LRP1B: variants seen among roughly 807,000 people sequenced by gnomAD.
LRP1B encodes low-density lipoprotein receptor-related protein 1B.
In LRP1B, 217 loss-of-function variants were observed where a neutral mutation model predicts 556.6. The ratio of observed to expected loss-of-function variants is 0.39; its 90% CI spans 0.35 to 0.44. LRP1B has a LOEUF of 0.44. Ranked by LOEUF, LRP1B falls within the 20% of genes least tolerant of loss-of-function variation. The pLI, the probability that LRP1B is intolerant of heterozygous loss-of-function variation, is 1.00. For synonymous variants in LRP1B, 2,047 were observed against 1,865.8 expected (o/e 1.10, Z -2.50); for missense variants, 5,053 against 5,620.8 (o/e 0.90, Z 3.23).
intron 2 of LRP1B, among the ~76,000 whole-genome samples, chr2:141,650,718 C>T (rs954792462): frequency 4.0e-5 from 6 of 151,744 alleles, no homozygotes; most frequent in Admixed American, 6.6e-5. Context: ...GGAAGCACAC[C>T]GAAATGAAGA....
intron 29 of LRP1B, among the ~76,000 whole-genome samples, chr2:140,846,437 A>C (rs1048707381): frequency 3.3e-5 from 5 of 152,004 alleles, no homozygotes; most frequent in Admixed American, 6.6e-5. Context: ...GGTGCCTGTA[A>C]TCCCAGCTAC....
intron 84 of LRP1B, among the ~76,000 whole-genome samples, chr2:140,297,356 A>G (rs996812372): frequency 2.0e-5 from 3 of 152,094 alleles, no homozygotes; most frequent in Non-Finnish European, 4.4e-5. Flanking sequence ...GGGAGAGTCA[A>G]TGGATTAGGG....
intron 71 of LRP1B, among the ~76,000 whole-genome samples, chr2:140,370,300 A>G (rs2105163520): frequency 6.6e-6 from 1 of 152,170 alleles, no homozygotes; most frequent in Non-Finnish European, 1.5e-5. Context: ...TAAGCAATTG[A>G]GTATGCCATA....
chr2:141,394,336 A>C (rs1690164835), intron 3 of LRP1B, among the ~76,000 whole-genome samples: 1 of 152,082 alleles, frequency 6.6e-6, no homozygotes, highest in Admixed American at 6.6e-5. Context: ...AAATGGGTTC[A>C]CCTTTGTTTT....
At chr2:141,641,910 G>A (rs1689349958) in intron 2 of LRP1B, among the ~76,000 whole-genome samples, 1 of 151,988 alleles carries the variant, frequency 6.6e-6, no homozygotes, top group African/African-American at 2.4e-5. Flanking sequence ...ATGAAGCCAG[G>A]TTTCAATGTC....
rs560363480 is a variant in LRP1B at position 142,031,330 on chromosome 2, A to ATTTTTTTTTTTT, written c.82+99306_82+99317dup. Among the ~76,000 whole-genome samples, 336 of 116,932 alleles carry ATTTTTTTTTTTT rather than the reference A, an allele frequency of 2.9e-3. 10 individuals are homozygous for ATTTTTTTTTTTT. Among genetic ancestry groups the ATTTTTTTTTTTT allele is most frequent in the Non-Finnish European group, 3.4e-3 (196 of 57,016 alleles). 76.7% of individuals were successfully genotyped at this position (116,932 alleles called of 152,430 possible). A position where few individuals can be genotyped will look rare whatever the true frequency, so the allele number is the denominator to read the frequency against. On this transcript the variant is annotated intron_variant, in intron 1 of 90. Coordinates refer to ENST00000389484, the MANE Select transcript of LRP1B (RefSeq NM_018557.3). The stretch of plus-strand genomic sequence containing the variant: ...ATTTAGAGAAAGGTTGATTATACTT[A>ATTTTTTTTTTTT]TTTTTTTTTTTTTTTTTTATTATAC...
At chr2:141,347,651 G>A (rs1270628338) in intron 3 of LRP1B, among the ~76,000 whole-genome samples, 1 of 151,816 alleles carries the variant, frequency 6.6e-6, no homozygotes, top group Non-Finnish European at 1.5e-5. Flanking sequence ...AGAAACTAAG[G>A]TGGCATTCAA....
chr2:140,539,955 C>T lies in LRP1B; in HGVS notation c.7513+1018G>A, dbSNP rs527751038. The stretch of plus-strand genomic sequence containing the variant: ...GAGGTGCCTTTTTGGGTTGTAGTAT[C>T]AACTTTCACAGTGAGAAAATATGTC... On this transcript the variant is annotated intron_variant, in intron 45 of 90. Transcript: ENST00000389484. Among the ~76,000 whole-genome samples, 11 of 152,152 alleles carry T rather than the reference C, an allele frequency of 7.2e-5. No individual in the cohort carries two copies. In the East Asian group the frequency reaches 2.1e-3, roughly 29 times the overall value.
At chr2:141,303,958 T>C (rs1476754870) in intron 3 of LRP1B, among the ~76,000 whole-genome samples, 1 of 152,142 alleles carries the variant, frequency 6.6e-6, no homozygotes. Flanking sequence ...ACCATTCTAA[T>C]TGGGGGAAAG....
intron 35 of LRP1B, among the ~76,000 whole-genome samples, chr2:140,729,783 C>A (rs571020865): frequency 6.6e-6 from 1 of 152,246 alleles, no homozygotes; most frequent in Admixed American, 6.5e-5. Context: ...TGATAGAAAG[C>A]TTCATATTCT....
chr2:141,791,552 T>C (rs1558877922), intron 2 of LRP1B, among the ~76,000 whole-genome samples: 1 of 152,092 alleles, frequency 6.6e-6, no homozygotes, highest in Non-Finnish European at 1.5e-5. Context: ...CAGACTTTAG[T>C]AGTGCCTAAT....
At chr2:140,528,081 T>A (rs568605995) in intron 47 of LRP1B, among the ~76,000 whole-genome samples, 1 of 151,778 alleles carries the variant, frequency 6.6e-6, no homozygotes. Flanking sequence ...GCCTCCAATC[T>A]CCCATAGAGA....
At chr2:141,555,009 T>C (rs572020130) in intron 2 of LRP1B, among the ~76,000 whole-genome samples, 1 of 152,088 alleles carries the variant, frequency 6.6e-6, no homozygotes, top group East Asian at 1.9e-4. Context: ...CTGTTGGTAG[T>C]GACTGTCCCA....
At chr2:142,042,016 G>A (rs1165907949) in intron 1 of LRP1B, among the ~76,000 whole-genome samples, 6 of 151,314 alleles carry the variant, frequency 4.0e-5, no homozygotes, top group Admixed American at 4.0e-4. Context: ...TTAAATTTTG[G>A]ATATGACTTC....
At chr2:140,325,251 G>A (rs1041629009) in intron 80 of LRP1B, among the ~76,000 whole-genome samples, 5 of 152,012 alleles carry the variant, frequency 3.3e-5, no homozygotes, top group Admixed American at 2.0e-4. Context: ...GCATAAAACC[G>A]GTATAGCAAC....
intron 1 of LRP1B, among the ~76,000 whole-genome samples, chr2:142,127,246 A>G (rs1189216380): frequency 1.3e-5 from 2 of 151,968 alleles, no homozygotes; most frequent in South Asian, 4.1e-4. Flanking sequence ...TTATTTTTAT[A>G]CTGTAAATAT....
In LRP1B at chr2:140,373,100, C is replaced by G. The variant is rs145915063; in HGVS notation, c.10676G>C (p.Arg3559Pro). 3 of 1,613,050 alleles carry G rather than the reference C, an allele frequency of 1.9e-6. No individual in the cohort carries two copies. The highest frequency in any genetic ancestry group is 4.5e-5 in the East Asian group (2 of 44,740). The change falls in exon 69 of 91, where the codon CGG (arginine) becomes CCG (proline). Residue 3559 changes from arginine (R) to proline (P), a missense_variant. Transcript: ENST00000389484. ...TGGTATACACTGACCATTGGAACAC[C>G]GGAACTGATCTTTGGAACAACTTGT... ...CETSCSKDQFRCSNGQCIPAK... is the reference protein window; with the variant it reads ...CETSCSKDQFPCSNGQCIPAK...
At chr2:141,867,510 A>G (rs1186641290) in intron 1 of LRP1B, among the ~76,000 whole-genome samples, 1 of 152,202 alleles carries the variant, frequency 6.6e-6, no homozygotes, top group Non-Finnish European at 1.5e-5. Context: ...AGATCTTACA[A>G]GTCCGAGAGG....
chr2:141,295,746 AACACACACAC>A lies in LRP1B; in HGVS notation c.344-41115_344-41106del, dbSNP rs376812743. The stretch of plus-strand genomic sequence containing the variant: ...ACTCCAACTTTACTATGAGGAGAGA[AACACACACAC>A]ACACACACACACACACACACACACA... On this transcript the variant is annotated intron_variant, in intron 3 of 90. Coordinates refer to ENST00000389484, the MANE Select transcript of LRP1B (RefSeq NM_018557.3). Among the ~76,000 whole-genome samples, 97 of 130,602 alleles carry A rather than the reference AACACACACAC, an allele frequency of 7.4e-4. No homozygotes were observed. The East Asian group carries it at 0.011, about 14-fold the overall frequency. The allele number at this position is 130,602 out of a possible 152,430, so 85.7% of individuals were successfully genotyped here.
Sources: gnomAD v4.1 joint callset for allele counts (sites outside exome capture counted in the v4.1 genomes callset) on GRCh38, gnomAD v4.1.1 for gene constraint, MANE v1.5 for transcripts, NCBI Gene and HGNC (gene_info 2026-07-23, HGNC 2026-07-21) for gene names.